RPGRIP1L: variants seen among roughly 807,000 people sequenced by gnomAD.
RPGRIP1L encodes the protein protein fantom.
A neutral mutation model predicts 160.4 loss-of-function variants in RPGRIP1L; 131 were observed. The ratio of observed to expected loss-of-function variants is 0.82; its 90% CI spans 0.71 to 0.94. The LOEUF (loss-of-function observed/expected upper bound fraction) is 0.94, where lower values mean the gene tolerates loss of function less well. Ranked by LOEUF, RPGRIP1L falls within the 40% of genes least tolerant of loss-of-function variation. RPGRIP1L has a pLI of 0.00. For missense variants in RPGRIP1L, 1,522 were observed against 1,535.8 expected (o/e 0.99, Z 0.15); for synonymous variants, 510 against 515.8 (o/e 0.99, Z 0.15).
At position 53,641,032 on chromosome 16, in the gene RPGRIP1L, C is replaced by T; in HGVS notation, c.2958+1G>A. On this transcript the variant is annotated splice_donor_variant, in intron 19 of 26. Transcript: ENST00000647211. LOFTEE classifies it high-confidence loss of function. ...CAGTATTTTCAGTGTCTACTACTTA[C>T]ATCACTCTGATGTGGCATGATATCC... 1 of 1,602,966 alleles carries T rather than the reference C, an allele frequency of 6.2e-7. No individual in the cohort carries two copies. Among genetic ancestry groups the T allele is most frequent in the Non-Finnish European group, 8.5e-7 (1 of 1,169,952 alleles).
At chr16:53,635,468 T>A (rs1965784330) in intron 22 of RPGRIP1L, 1 of 152,216 alleles carries the variant, frequency 6.6e-6, no homozygotes. Context: ...TTTATTTCTT[T>A]ATTTTTTGAG....
intron 22 of RPGRIP1L, among the ~76,000 whole-genome samples, chr16:53,633,247 A>G: frequency 6.6e-6 from 1 of 152,200 alleles, no homozygotes; most frequent in East Asian, 1.9e-4. Context: ...CACTTCAACC[A>G]AAGTTAACAC....
chr16:53,660,878 G>A (rs1301481746), intron 10 of RPGRIP1L, among the ~76,000 whole-genome samples: 3 of 145,872 alleles, frequency 2.1e-5, no homozygotes, highest in Non-Finnish European at 4.5e-5. Flanking sequence ...GGGCAATAGA[G>A]TGAGACTACA....
chr16:53,684,754 A>T (rs541868877), intron 6 of RPGRIP1L, among the ~76,000 whole-genome samples: 40 of 145,698 alleles, frequency 2.7e-4, no homozygotes, highest in South Asian at 1.1e-3. Flanking sequence ...TAATAAAATT[A>T]AAAAAAAAAA....
rs1049361586 is a variant in RPGRIP1L at position 53,598,194 on chromosome 16, T to C, written c.*3882A>G. On this transcript the variant is annotated 3_prime_UTR_variant, in exon 27 of 27. Transcript: ENST00000647211. ...AAATTTTATTTAAAAAGAAAACAAA[T>C]GGTGCACAGTGAAGACAGAGGTAAT... The C allele has an allele frequency of 4.6e-5, 7 of 152,058 alleles. No individual in the cohort carries two copies. Among genetic ancestry groups the C allele is most frequent in the African/African-American group, 1.4e-4 (6 of 41,398 alleles). 9.4% of individuals were successfully genotyped at this position (152,058 alleles called of 1,614,324 possible).
chr16:53,642,905 A>T (rs1966325537), intron 17 of RPGRIP1L, among the ~76,000 whole-genome samples: 6 of 152,244 alleles, frequency 3.9e-5, no homozygotes, highest in Admixed American at 3.9e-4. Context: ...GAAGGTCAAC[A>T]TCACAGACAG....
At chr16:53,605,423 A>G in intron 26 of RPGRIP1L, 58 bp downstream of exon 26, 1 of 1,602,310 alleles carries the variant, frequency 6.2e-7, no homozygotes, top group Non-Finnish European at 8.6e-7. Context: ...GTTTTAATAA[A>G]GAGTTTGGAG....
intron 2 of RPGRIP1L, among the ~76,000 whole-genome samples, chr16:53,698,399 T>C (rs78576440): frequency 0.19 from 23,823 of 125,618 alleles, 3,320 homozygotes; most frequent in East Asian, 0.45. Flanking sequence ...CCAGCCGTCC[T>C]GTCTGGGAGA....
At chr16:53,656,326 G>A (rs1208086085) in intron 14 of RPGRIP1L, 146 bp downstream of exon 14, 2 of 755,210 alleles carry the variant, frequency 2.6e-6, no homozygotes, top group South Asian at 1.4e-5. Flanking sequence ...GAACCCAGGA[G>A]GTCAAAGCTG....
At chr16:53,612,565 T>C (rs965231563) in intron 24 of RPGRIP1L, among the ~76,000 whole-genome samples, 2 of 151,396 alleles carry the variant, frequency 1.3e-5, no homozygotes, top group African/African-American at 4.9e-5. Flanking sequence ...TTCAGAGTTG[T>C]AAAGCTTTTA....
chr16:53,673,476 C>T (rs927899712), intron 7 of RPGRIP1L, among the ~76,000 whole-genome samples: 1 of 151,334 alleles, frequency 6.6e-6, no homozygotes, highest in Non-Finnish European at 1.5e-5. Flanking sequence ...AATTTGCATA[C>T]AATTAAGTTA....
At chr16:53,606,847 C>T (rs1040831253) in intron 25 of RPGRIP1L, among the ~76,000 whole-genome samples, 4 of 152,170 alleles carry the variant, frequency 2.6e-5, no homozygotes, top group Non-Finnish European at 5.9e-5. Context: ...CTCCTGATTT[C>T]AGGTGATCTG....
intron 17 of RPGRIP1L, 66 bp downstream of exon 17, chr16:53,645,559 C>A (rs1408727391): frequency 1.4e-6 from 2 of 1,447,944 alleles, no homozygotes; most frequent in Non-Finnish European, 1.9e-6. Flanking sequence ...CGAATCATAT[C>A]CATAACACTA....
intron 9 of RPGRIP1L, among the ~76,000 whole-genome samples, chr16:53,665,813 C>A (rs191029147): frequency 2.8e-4 from 42 of 152,180 alleles, no homozygotes; most frequent in Non-Finnish European, 3.4e-4. Flanking sequence ...TAAACGCTGA[C>A]CTAAATACTG....
At chr16:53,642,063 A>C (rs1966253385) in intron 17 of RPGRIP1L, among the ~76,000 whole-genome samples, 1 of 152,166 alleles carries the variant, frequency 6.6e-6, no homozygotes, top group Non-Finnish European at 1.5e-5. Flanking sequence ...TGGACCATCT[A>C]CAACAAATAG....
At chr16:53,652,431 A>C in intron 15 of RPGRIP1L, 104 bp downstream of exon 15, 1 of 901,656 alleles carries the variant, frequency 1.1e-6, no homozygotes, top group Non-Finnish European at 1.8e-6. Flanking sequence ...CCTTGCTCTA[A>C]AGGCACCTTT....
intron 6 of RPGRIP1L, among the ~76,000 whole-genome samples, chr16:53,679,341 T>C (rs977241110): frequency 1.3e-5 from 2 of 152,166 alleles, no homozygotes; most frequent in Admixed American, 1.3e-4. Context: ...GGACCATTTT[T>C]ACGGTCAAGT....
At chr16:53,650,443 G>A (rs1190648446) in intron 15 of RPGRIP1L, among the ~76,000 whole-genome samples, 2 of 152,136 alleles carry the variant, frequency 1.3e-5, no homozygotes, top group Non-Finnish European at 2.9e-5. Flanking sequence ...GATCTTTCAA[G>A]CTGGGTGTAG....
At position 53,607,888 on chromosome 16, in the gene RPGRIP1L, C is replaced by G. The variant is rs752415888; in HGVS notation, c.3702-2274G>C. Reference sequence around the variant, plus strand: ...ATTAAAAGTAATTTTTAAAAAATAACGAAAAGACACACACACAAATCTTTT... The same window carrying G: ...ATTAAAAGTAATTTTTAAAAAATAAGGAAAAGACACACACACAAATCTTTT... On this transcript the variant is annotated intron_variant, in intron 25 of 26. Transcript: ENST00000647211. 31 of 567,782 alleles carry G rather than the reference C, an allele frequency of 5.5e-5. No individual in the cohort carries two copies. In the African/African-American group the frequency reaches 6.3e-4, roughly 12 times the overall value. The allele number at this position is 567,782 out of a possible 1,614,324, so 35.2% of individuals were successfully genotyped here. A position where few individuals can be genotyped will look rare whatever the true frequency, so the allele number is the denominator to read the frequency against.
Sources: allele counts gnomAD v4.1 joint callset (sites outside exome capture counted in the v4.1 genomes callset), GRCh38; gene constraint gnomAD v4.1.1; transcripts MANE v1.5; gene names NCBI Gene and HGNC (gene_info 2026-07-23, HGNC 2026-07-21).